Variants in KCTD16 observed in about 807,000 individuals in gnomAD.
KCTD16 encodes the protein potassium channel tetramerization domain containing 16, also known as BTB/POZ domain-containing protein KCTD16.
A neutral mutation model predicts 33.2 loss-of-function variants in KCTD16; 13 were observed. The observed-to-expected ratio is 0.39, with a 90% CI of 0.25 to 0.62. The LOEUF is 0.62. KCTD16 is among the 20% of genes least tolerant of loss of function. The probability of loss-of-function intolerance (pLI) is 0.50; values close to 1 mark genes in which losing one functional copy is unlikely to be tolerated. For synonymous variants in KCTD16, 197 were observed against 195.3 expected, an observed-to-expected ratio of 1.01 and a Z score of -0.07; for missense variants, 441 against 525.1, an observed-to-expected ratio of 0.84 and a Z score of 1.57.
chr5:144,307,891 G>T (rs1350826452), intron 3 of KCTD16, among the ~76,000 whole-genome samples: 1 of 152,176 alleles, frequency 6.6e-6, no homozygotes, highest in African/African-American at 2.4e-5. Flanking sequence ...AGGGATCAAG[G>T]TACATCGCTG....
rs1754701249 is a variant in KCTD16, at chr5:144,481,397, A to T, written c.*7283A>T. 6.6e-6 allele frequency: 1 copy of T among 151,896 alleles called. No homozygotes were observed. 9.4% of individuals were successfully genotyped at this position (151,896 alleles called of 1,614,324 possible). On this transcript the variant is annotated 3_prime_UTR_variant, in exon 4 of 4. Coordinates refer to ENST00000512467, the MANE Select transcript of KCTD16 (RefSeq NM_020768.4). ...GGATGGTAAAATCTTATTGGAAAAT[A>T]TGTTTCCTAGACTCACCCAGGGGTG...
intron 3 of KCTD16, among the ~76,000 whole-genome samples, chr5:144,329,894 G>A (rs1321273484): frequency 1.3e-5 from 2 of 152,168 alleles, no homozygotes; most frequent in Non-Finnish European, 1.5e-5. Context: ...GAGGCATTGA[G>A]TCATGAGAGG....
chr5:144,364,299 C>T (rs1287447788), intron 3 of KCTD16, among the ~76,000 whole-genome samples: 2 of 152,092 alleles, frequency 1.3e-5, no homozygotes, highest in Non-Finnish European at 2.9e-5. Context: ...CTGGAAAGGA[C>T]ACACGCTAGA....
chr5:144,321,931 A>G (rs1301114575), intron 3 of KCTD16, among the ~76,000 whole-genome samples: 5 of 152,226 alleles, frequency 3.3e-5, no homozygotes, highest in Non-Finnish European at 5.9e-5. Context: ...CTAATCAGGT[A>G]AAAATTGCAT....
intron 3 of KCTD16, among the ~76,000 whole-genome samples, chr5:144,261,048 T>C (rs1481542645): frequency 6.6e-6 from 1 of 151,608 alleles, no homozygotes; most frequent in Non-Finnish European, 1.5e-5. Context: ...CGACCCCAAT[T>C]GGGTCCCAAT....
rs139095441 is a variant in KCTD16 at position 144,306,003 on chromosome 5, A to G, written c.832+98457A>G. On this transcript the variant is annotated intron_variant, in intron 3 of 3. Transcript: ENST00000512467. The stretch of plus-strand genomic sequence containing the variant: ...AATGGTGTTTTGTTATGGTAGCCCT[A>G]GAAAATTAAAACAGATGGTCAGTGT... 1.1e-4 allele frequency among the ~76,000 whole-genome samples: 17 copies of G among 152,294 alleles called. No homozygotes were observed. In the South Asian group the frequency reaches 3.3e-3, roughly 30 times the overall value.
chr5:144,218,361 T>A (rs1753629170), intron 3 of KCTD16, among the ~76,000 whole-genome samples: 1 of 152,184 alleles, frequency 6.6e-6, no homozygotes, highest in Non-Finnish European at 1.5e-5. Flanking sequence ...AATATTTAAA[T>A]CTTTTTTGCA....
At position 144,207,385 on chromosome 5, in the gene KCTD16, C is replaced by T. The variant is rs1753218084; in HGVS notation, c.671C>T (p.Ser224Phe). The stretch of plus-strand genomic sequence containing the variant: ...GATCGAGCCCCAGAAAGATACACCT[C>T]CAGATTTTATCTCAAATTCAAGCAC... ...DPDRAPERYT[S>F]RFYLKFKHLE... The change falls in exon 3 of 4, where the codon TCC becomes TTC. Residue 224 changes from serine to phenylalanine, a missense_variant. Ser to Phe is a radical substitution (Grantham distance 155). Transcript: ENST00000512467. 1 of 1,614,214 alleles carries T rather than the reference C, an allele frequency of 6.2e-7. No homozygotes were observed. Among genetic ancestry groups the T allele is most frequent in the Non-Finnish European group, 8.5e-7 (1 of 1,180,048 alleles).
chr5:144,357,142 A>G lies in KCTD16; in HGVS notation c.833-116518A>G, dbSNP rs1331810315. 2.6e-5 allele frequency among the ~76,000 whole-genome samples: 4 copies of G among 152,272 alleles called. No individual in the cohort carries two copies. In the East Asian group the frequency reaches 7.7e-4, roughly 29 times the overall value. ...ACTTCTTATACTCTTATAGGTTGCC[A>G]ACTTCAGCTTTGCCCATGTAAGGAA... is the stretch of plus-strand genomic sequence containing the variant. On this transcript the variant is annotated intron_variant, in intron 3 of 3. Transcript: ENST00000512467.
At chr5:144,456,850 A>G (rs1370482730) in intron 3 of KCTD16, among the ~76,000 whole-genome samples, 1 of 152,032 alleles carries the variant, frequency 6.6e-6, no homozygotes, top group African/African-American at 2.4e-5. Context: ...TTGAAAAGAT[A>G]GACACTTTGA....
chr5:144,417,786 A>G (rs931125236), intron 3 of KCTD16, among the ~76,000 whole-genome samples: 2 of 152,124 alleles, frequency 1.3e-5, no homozygotes, highest in Non-Finnish European at 2.9e-5. Flanking sequence ...GTTGTAAAGT[A>G]GGGCTCCAAC....
intron 3 of KCTD16, among the ~76,000 whole-genome samples, chr5:144,450,043 C>A (rs182379802): frequency 6.6e-6 from 1 of 152,112 alleles, no homozygotes; most frequent in East Asian, 1.9e-4. Flanking sequence ...TTGAAAAACT[C>A]ATTTACCTGA....
At chr5:144,416,379 C>G (rs1464899434) in intron 3 of KCTD16, among the ~76,000 whole-genome samples, 1 of 152,164 alleles carries the variant, frequency 6.6e-6, no homozygotes, top group African/African-American at 2.4e-5. Flanking sequence ...AACACTCAGT[C>G]TGGACTCTGC....
At chr5:144,217,292 A>C (rs1753594547) in intron 3 of KCTD16, among the ~76,000 whole-genome samples, 1 of 152,224 alleles carries the variant, frequency 6.6e-6, no homozygotes, top group African/African-American at 2.4e-5. Flanking sequence ...TGGAAGGTAG[A>C]ATCCAGTTTT....
At chr5:144,244,217 A>T (rs1252548015) in intron 3 of KCTD16, among the ~76,000 whole-genome samples, 2 of 152,064 alleles carry the variant, frequency 1.3e-5, no homozygotes, top group Non-Finnish European at 2.9e-5. Context: ...TTATTTTGGG[A>T]TTGTCATGCT....
At chr5:144,236,439 G>T (rs963043774) in intron 3 of KCTD16, among the ~76,000 whole-genome samples, 1 of 152,026 alleles carries the variant, frequency 6.6e-6, no homozygotes, top group Non-Finnish European at 1.5e-5. Context: ...TTATGGAACT[G>T]GTGGGTAATC....
chr5:144,196,675 A>T (rs1752945486), intron 2 of KCTD16, among the ~76,000 whole-genome samples: 1 of 152,192 alleles, frequency 6.6e-6, no homozygotes, highest in Non-Finnish European at 1.5e-5. Flanking sequence ...TCAGATACAT[A>T]AATCTTTTTT....
chr5:144,398,112 A>G lies in KCTD16; in HGVS notation c.833-75548A>G, dbSNP rs567069183. On this transcript the variant is annotated intron_variant, in intron 3 of 3. Coordinates refer to ENST00000512467, the MANE Select transcript of KCTD16 (RefSeq NM_020768.4). ...ATTATTTTGTGTTTTTAATACCACA[A>G]CTTAATGGACTATATGGTGAAGTTC... Among the ~76,000 whole-genome samples, 3 of 152,300 alleles carry G rather than the reference A, an allele frequency of 2.0e-5. No individual in the cohort carries two copies. In the South Asian group the frequency reaches 6.2e-4, roughly 32 times the overall value.
intron 3 of KCTD16, among the ~76,000 whole-genome samples, chr5:144,275,439 T>C (rs1009162526): frequency 1.3e-5 from 2 of 152,182 alleles, no homozygotes; most frequent in Admixed American, 1.3e-4. Context: ...ACTGGTACTA[T>C]TTACTTCTGC....
Sources: allele counts gnomAD v4.1 joint callset (sites outside exome capture counted in the v4.1 genomes callset), GRCh38; gene constraint gnomAD v4.1.1; transcripts MANE v1.5; gene names NCBI Gene and HGNC (gene_info 2026-07-23, HGNC 2026-07-21).